Variants in TRAM1 observed in about 807,000 individuals in gnomAD.
The protein encoded by TRAM1 is translocating chain-associated membrane protein 1.
Under a neutral mutation model 48.7 loss-of-function variants are expected in TRAM1, and 17 were observed. The observed-to-expected ratio is 0.35, with a 90% CI of 0.24 to 0.52. The LOEUF is 0.52. Among genes scored for constraint, TRAM1 ranks in the 20% least tolerant of loss-of-function variants. TRAM1 has a pLI of 0.94. For synonymous variants in TRAM1, 182 were observed against 154.0 expected, an observed-to-expected ratio of 1.18 and a Z score of -1.34; for missense variants, 351 against 441.5, an observed-to-expected ratio of 0.79 and a Z score of 1.84.
intron 8 of TRAM1, 30 bp downstream of exon 8, chr8:70,586,864 AC>A: frequency 6.4e-7 from 1 of 1,572,460 alleles, no homozygotes; most frequent in Non-Finnish European, 8.7e-7. Context: ...AATACCTAGT[AC>A]ACGAGAAATA....
rs574080887 is a variant in TRAM1, at chr8:70,598,511, A to G, written c.188-256T>C. On this transcript the variant is annotated intron_variant, in intron 2 of 10. Coordinates refer to ENST00000262213, the MANE Select transcript of TRAM1 (RefSeq NM_014294.6). Reference sequence around the variant, plus strand: ...TAGTCACAGCCACCAAAGACCAAAAAACAGGGAAGAGGAGGCCACACTCAA... The same window carrying G: ...TAGTCACAGCCACCAAAGACCAAAAGACAGGGAAGAGGAGGCCACACTCAA... 7.2e-5 allele frequency among the ~76,000 whole-genome samples: 11 copies of G among 152,336 alleles called. 1 individual carries two copies. Among genetic ancestry groups the G allele is most frequent in the South Asian group, 4.1e-4 (2 of 4,822 alleles).
chr8:70,583,597 T>C, intron 9 of TRAM1, 53 bp downstream of exon 9: 2 of 1,571,348 alleles, frequency 1.3e-6, no homozygotes, highest in South Asian at 1.2e-5. Flanking sequence ...GAGAAACTGA[T>C]AATATATATT....
chr8:70,574,892 A>G lies in TRAM1; in HGVS notation c.*40T>C. ...AATGCTGAAAGATATAGTAGAAAGC[A>G]GATTTCTTTGGGGACATTAATCAAT... is the stretch of plus-strand genomic sequence containing the variant. On this transcript the variant is annotated 3_prime_UTR_variant, in exon 11 of 11. Transcript: ENST00000262213. 7.5e-7 allele frequency: 1 copy of G among 1,338,822 alleles called. No homozygotes were observed. The highest frequency in any genetic ancestry group is 1.4e-5 in the African/African-American group (1 of 69,228). 82.9% of individuals were successfully genotyped at this position (1,338,822 alleles called of 1,614,324 possible).
intron 1 of TRAM1, among the ~76,000 whole-genome samples, chr8:70,601,771 T>C (rs1024783491): frequency 4.6e-5 from 7 of 152,204 alleles, no homozygotes; most frequent in African/African-American, 1.7e-4. Flanking sequence ...TAAGGTTTGG[T>C]AAGCTAGAAG....
intron 1 of TRAM1, chr8:70,606,860 A>G: frequency 2.0e-6 from 2 of 982,650 alleles, no homozygotes; most frequent in Non-Finnish European, 2.4e-6. Flanking sequence ...GCTCCATTAA[A>G]AAGAAAATGT....
Position 70,583,181 on chromosome 8 carries a change from G to C in TRAM1, c.1034C>G (p.Ser345Cys). The change falls in exon 10 of 11, where the codon TCT becomes TGT. Residue 345 changes from serine (S) to cysteine (C), a missense_variant. Coordinates refer to ENST00000262213, the MANE Select transcript of TRAM1 (RefSeq NM_014294.6). ...ATACAAACCTGTTCCTTTTTTAGAAGATCTGCCTTTAGTTACTGTTGGTTT... is the reference window on the plus strand; with the variant it reads ...ATACAAACCTGTTCCTTTTTTAGAACATCTGCCTTTAGTTACTGTTGGTTT... ...KKKPTVTKGR[S>C]SKKGTENGVN... is the part of the protein sequence containing the mutation. 2 of 1,613,114 alleles carry C rather than the reference G, an allele frequency of 1.2e-6. No homozygotes were observed. Among genetic ancestry groups the C allele is most frequent in the Non-Finnish European group, 1.7e-6 (2 of 1,179,704 alleles).
intron 10 of TRAM1, 48 bp from the exon 11 acceptor site, chr8:70,575,053 A>AAGTT (rs753471786): frequency 1.5e-6 from 2 of 1,360,798 alleles, no homozygotes; most frequent in Admixed American, 4.0e-5. Flanking sequence ...AAATAAATGC[A>AAGTT]AGTTATAATC....
intron 4 of TRAM1, among the ~76,000 whole-genome samples, chr8:70,596,896 T>C (rs1055768660): frequency 6.6e-6 from 1 of 151,582 alleles, no homozygotes; most frequent in Non-Finnish European, 1.5e-5. Flanking sequence ...CACAGAAGTA[T>C]AACTTTTATG....
At chr8:70,590,352 C>A (rs1817325889) in intron 6 of TRAM1, among the ~76,000 whole-genome samples, 1 of 152,102 alleles carries the variant, frequency 6.6e-6, no homozygotes, top group African/African-American at 2.4e-5. Context: ...ATTCAAAAAG[C>A]CATTCCATTT....
rs767370344 is a variant in TRAM1, at chr8:70,608,071, G to A, written c.123+6C>T. ...GGCAGGCGGTTGGGACTCGGGGCGG[G>A]CTCACCTCAAACATGAGCCCCAGCA... is the stretch of plus-strand genomic sequence containing the variant. On this transcript the variant is annotated splice_donor_region_variant and intron_variant, in intron 1 of 10. Coordinates refer to ENST00000262213, the MANE Select transcript of TRAM1 (RefSeq NM_014294.6). 4 of 1,591,942 alleles carry A rather than the reference G, an allele frequency of 2.5e-6. No individual in the cohort carries two copies. Among genetic ancestry groups the A allele is most frequent in the Admixed American group, 3.5e-5 (2 of 57,798 alleles).
chr8:70,577,791 G>A (rs1001267042), intron 10 of TRAM1, among the ~76,000 whole-genome samples: 2 of 152,222 alleles, frequency 1.3e-5, no homozygotes, highest in Admixed American at 6.5e-5. Context: ...CACCCTCTTT[G>A]GGGTTCAGTG....
Position 70,583,254 on chromosome 8 carries a change from G to T in TRAM1, c.961C>A (p.Arg321=), listed in dbSNP as rs1474372322. The T allele has an allele frequency of 6.2e-7, 1 of 1,613,794 alleles. No individual in the cohort carries two copies. Among genetic ancestry groups the T allele is most frequent in the Non-Finnish European group, 8.5e-7 (1 of 1,179,964 alleles). Residue 321 remains arginine (R), a synonymous_variant, in exon 10 of 11, where the codon CGA becomes AGA. Coordinates refer to ENST00000262213, the MANE Select transcript of TRAM1 (RefSeq NM_014294.6). The part of the protein sequence containing the change: ...MMWKFINFQL[R]RWREHSAFQA... Reference sequence around the variant, plus strand: ...AAAGCAGAATGTTCCCTCCACCTTCGAAGCTGAAAATTAATGAACTTCCAC... The same window carrying T: ...AAAGCAGAATGTTCCCTCCACCTTCTAAGCTGAAAATTAATGAACTTCCAC...
chr8:70,590,231 CAAGT>C (rs1386168056), intron 6 of TRAM1, among the ~76,000 whole-genome samples: 1 of 146,712 alleles, frequency 6.8e-6, no homozygotes, highest in Admixed American at 6.8e-5. Context: ...AAAAGAAATA[CAAGT>C]AAGTTTTTAA....
At chr8:70,590,612 T>C (rs374390044) in intron 6 of TRAM1, among the ~76,000 whole-genome samples, 23 of 152,212 alleles carry the variant, frequency 1.5e-4, no homozygotes, top group African/African-American at 5.3e-4. Context: ...GATCCTGCTA[T>C]CTCAGCCTCC....
chr8:70,583,810 G>A lies in TRAM1; in HGVS notation c.747-17C>T, dbSNP rs114937933. ...AGAGAAAATCTGCAAGAAAAAGGCC[G>A]TAAGTCAAATTCCTGAAATCTCAAA... is the stretch of plus-strand genomic sequence containing the variant. On this transcript the variant is annotated splice_polypyrimidine_tract_variant and intron_variant, in intron 8 of 10. Transcript: ENST00000262213. The A allele has an allele frequency of 3.9e-4, 595 of 1,518,320 alleles. 3 individuals are homozygous for A. In the African/African-American group the frequency reaches 7.2e-3, roughly 18 times the overall value. The allele number at this position is 1,518,320 out of a possible 1,614,324, so 94.1% of individuals were successfully genotyped here.
intron 5 of TRAM1, among the ~76,000 whole-genome samples, chr8:70,596,012 C>T (rs896911478): frequency 6.6e-6 from 1 of 151,624 alleles, no homozygotes; most frequent in Non-Finnish European, 1.5e-5. Flanking sequence ...GGAAAAGAAG[C>T]GAGTACCAAA....
At chr8:70,583,015 C>T in intron 10 of TRAM1, 149 bp downstream of exon 10, 1 of 830,236 alleles carries the variant, frequency 1.2e-6, no homozygotes, top group Non-Finnish European at 1.8e-6. Flanking sequence ...TTGTGGAATG[C>T]AGTAAGATTA....
chr8:70,584,296 G>GACAAA (rs1448808685), intron 8 of TRAM1, among the ~76,000 whole-genome samples: 1 of 152,022 alleles, frequency 6.6e-6, no homozygotes, highest in Admixed American at 6.6e-5. Context: ...GAAAATGCTG[G>GACAAA]ACAAAACAAA....
rs567289566 is a variant in TRAM1 at position 70,582,370 on chromosome 8, C to T, written c.1051+794G>A. Among the ~76,000 whole-genome samples the T allele has an allele frequency of 4.7e-5, 7 of 149,560 alleles. No individual in the cohort carries two copies. In the South Asian group the frequency reaches 1.5e-3, roughly 32 times the overall value. ...GCTTCACAGGCATGATCATTGTGCA[C>T]TGTAACCTTGAACTCCTGGGTTCAA... On this transcript the variant is annotated intron_variant, in intron 10 of 10. Coordinates refer to ENST00000262213, the MANE Select transcript of TRAM1 (RefSeq NM_014294.6).
Sources: allele counts gnomAD v4.1 joint callset (sites outside exome capture counted in the v4.1 genomes callset), GRCh38; gene constraint gnomAD v4.1.1; transcripts MANE v1.5; gene names NCBI Gene and HGNC (gene_info 2026-07-23, HGNC 2026-07-21).